Variants in AATK observed in about 807,000 individuals in gnomAD.
AATK encodes serine/threonine-protein kinase LMTK1.
AATK carries 91 observed loss-of-function variants against 114.3 expected under a neutral mutation model. The ratio of observed to expected loss-of-function variants is 0.80; its 90% CI spans 0.67 to 0.95. AATK has a LOEUF of 0.95. Among genes scored for constraint, AATK ranks in the 40% least tolerant of loss-of-function variants. The pLI, the probability that AATK is intolerant of heterozygous loss-of-function variation, is 0.00. For missense variants in AATK, 2,176 were observed against 1,965.2 expected (o/e 1.11, Z -2.03); for synonymous variants, 1,075 against 916.5 (o/e 1.17, Z -3.12).
rs1291801602 is a variant in AATK at position 81,119,955 on chromosome 17, A to G, written c.3864T>C (p.Asn1288=). The stretch of plus-strand genomic sequence containing the variant: ...GCTCACCCTCTTCCGCTGTGGAGCC[A>G]TTTGGGGAGCCATCAGCCTGCTGCG... The part of the protein sequence containing the change: ...NRPQQADGSP[N]GSTAEEGGGF... Residue 1288 remains asparagine (N), a synonymous_variant, in exon 12 of 14, where the codon AAT becomes AAC. Coordinates refer to ENST00000326724, the MANE Select transcript of AATK (RefSeq NM_001080395.3). The G allele has an allele frequency of 1.4e-6, 2 of 1,447,634 alleles. No homozygotes were observed. The highest frequency in any genetic ancestry group is 1.4e-5 in the South Asian group (1 of 69,062). The allele number at this position is 1,447,634 out of a possible 1,614,324, so 89.7% of individuals were successfully genotyped here.
intron 2 of AATK, chr17:81,133,468 G>A: frequency 3.5e-6 from 1 of 284,162 alleles, no homozygotes; most frequent in Non-Finnish European, 7.1e-6. Flanking sequence ...GCGCGCTGCA[G>A]AATGCCTCCT....
chr17:81,142,468 C>T (rs1373652999), intron 1 of AATK, among the ~76,000 whole-genome samples: 1 of 152,076 alleles, frequency 6.6e-6, no homozygotes, highest in Non-Finnish European at 1.5e-5. Flanking sequence ...AGACAGGTCT[C>T]ACTATGTTGT....
rs1044087921 is a variant in AATK, at chr17:81,121,561, G to C, written c.2375C>G (p.Pro792Arg). 5 of 1,520,766 alleles carry C rather than the reference G, an allele frequency of 3.3e-6. No homozygotes were observed. In the African/African-American group the frequency reaches 4.2e-5, roughly 13 times the overall value. 94.2% of individuals were successfully genotyped at this position (1,520,766 alleles called of 1,614,324 possible). A position where few individuals can be genotyped will look rare whatever the true frequency, so the allele number is the denominator to read the frequency against. The change falls in exon 11 of 14, where the codon CCC becomes CGC. Residue 792 changes from proline (P) to arginine (R), a missense_variant. Transcript: ENST00000326724. Reference sequence around the variant, plus strand: ...GGGGACGGAAGGAAGGGGCAGGCGGGGTCCGGTAGTGCCCTCAGCCTCCGT... The same window carrying C: ...GGGGACGGAAGGAAGGGGCAGGCGGCGTCCGGTAGTGCCCTCAGCCTCCGT... ...LATEAEGTTG[P>R]RLPLPSVPSP...
intron 12 of AATK, 81 bp from the exon 13 acceptor site, chr17:81,119,661 GCCCCGCCTCC>G: frequency 1.6e-6 from 1 of 620,648 alleles, no homozygotes. Flanking sequence ...ACGGGCCCAG[GCCCCGCCTCC>G]CATCATGTCA....
chr17:81,121,896 G>A lies in AATK; in HGVS notation c.2040C>T (p.Ser680=), dbSNP rs1357512839. 1 of 1,600,712 alleles carries A rather than the reference G, an allele frequency of 6.2e-7. No homozygotes were observed. The highest frequency in any genetic ancestry group is 8.5e-7 in the Non-Finnish European group (1 of 1,179,142). Residue 680 remains serine, a synonymous_variant, in exon 11 of 14, where the codon TCC becomes TCT. Coordinates refer to ENST00000326724, the MANE Select transcript of AATK (RefSeq NM_001080395.3). The part of the protein sequence containing the change: ...RRAAQRGHWR[S]NVSANNNSGS... Reference sequence around the variant, plus strand: ...CGCTGTTGTTGTTGGCTGACACGTTGGAGCGCCAGTGCCCGCGCTGGGCGG... The same window carrying A: ...CGCTGTTGTTGTTGGCTGACACGTTAGAGCGCCAGTGCCCGCGCTGGGCGG...
intron 1 of AATK, among the ~76,000 whole-genome samples, chr17:81,142,558 A>G (rs957450067): frequency 6.6e-6 from 1 of 152,168 alleles, no homozygotes; most frequent in Non-Finnish European, 1.5e-5. Context: ...CTATTTGGCC[A>G]TTGTCCAGCT....
At chr17:81,160,745 C>T (rs989989230) in intron 1 of AATK, among the ~76,000 whole-genome samples, 1 of 152,258 alleles carries the variant, frequency 6.6e-6, no homozygotes, top group African/African-American at 2.4e-5. Flanking sequence ...TCCCGTCAGC[C>T]TTGCCCTGGC....
At chr17:81,133,978 G>A (rs551268257) in intron 2 of AATK, among the ~76,000 whole-genome samples, 90 of 152,302 alleles carry the variant, frequency 5.9e-4, no homozygotes, top group Admixed American at 4.9e-3. Context: ...GGACGTGAGA[G>A]CCCCTTGCAG....
chr17:81,131,113 G>A lies in AATK; in HGVS notation c.282C>T (p.Val94=), dbSNP rs998779361. The A allele has an allele frequency of 4.5e-6, 7 of 1,560,734 alleles. No individual in the cohort carries two copies. Among genetic ancestry groups the A allele is most frequent in the African/African-American group, 1.4e-5 (1 of 73,548 alleles). The change falls in exon 3 of 14, where the codon GTC becomes GTT. Residue 94 remains valine (V), a synonymous_variant. Transcript: ENST00000326724. ...GCAAGGAGACCTCCGTGAGTGGCAG[G>A]ACGTACACGTCGGGCCCGTTCTGTG... ...TAAQNGPDVY[V]LPLTEVSLPM... is the part of the protein sequence containing the mutation.
At position 81,122,327 on chromosome 17, in the gene AATK, C is replaced by T. The variant is rs1445605232; in HGVS notation, c.1609G>A (p.Ala537Thr). 3 of 1,510,916 alleles carry T rather than the reference C, an allele frequency of 2.0e-6. No individual in the cohort carries two copies. Among genetic ancestry groups the T allele is most frequent in the Non-Finnish European group, 2.6e-6 (3 of 1,134,494 alleles). The allele number at this position is 1,510,916 out of a possible 1,614,324, so 93.6% of individuals were successfully genotyped here. Residue 537 changes from alanine (A) to threonine (T), a missense_variant, in exon 11 of 14, where the codon GCC (alanine) becomes ACC (threonine). Coordinates refer to ENST00000326724, the MANE Select transcript of AATK (RefSeq NM_001080395.3). ...GSEYFIRLEE[A>T]APAAGHDPDC... ...GGGTCGTGGCCGGCGGCGGGTGCGG[C>T]CTCCTCTAGGCGGATGAAGTACTCG...
chr17:81,121,180 A>G lies in AATK; in HGVS notation c.2756T>C (p.Val919Ala). ...GGGGCCAGTGGCCGACGGGCTGAAG[A>G]CCTCATAGCCACCATCACTGGCTGA... ...PSSASDGGYE[V>A]FSPSATGPSG... is the part of the protein sequence containing the mutation. Residue 919 changes from valine (V) to alanine (A), a missense_variant, in exon 11 of 14, where the codon GTC (valine) becomes GCC (alanine). By Grantham distance (64) the Val-to-Ala change is moderately conservative. Around this residue, in one of 4 missense-constraint regions of AATK, gnomAD observed 1,701 missense variants for 1,394.7 expected, o/e 1.22. Transcript: ENST00000326724. The G allele has an allele frequency of 6.2e-7, 1 of 1,602,420 alleles. No individual in the cohort carries two copies. The highest frequency in any genetic ancestry group is 1.7e-4 in the Middle Eastern group (1 of 6,052).
Position 81,121,480 on chromosome 17 carries a change from G to A in AATK, c.2456C>T (p.Ala819Val), listed in dbSNP as rs571109880. Residue 819 changes from alanine (A) to valine (V), a missense_variant, in exon 11 of 14, where the codon GCC becomes GTC. Transcript: ENST00000326724. Reference sequence around the variant, plus strand: ...GGGAGAGTCAGGCAGGGCATCAGGGGCGTCGGGGGCACTGGCCTCCTCCGA... The same window carrying A: ...GGGAGAGTCAGGCAGGGCATCAGGGACGTCGGGGGCACTGGCCTCCTCCGA... ...LPSEEASAPD[A>V]PDALPDSPTP... 1.3e-6 allele frequency: 2 copies of A among 1,569,610 alleles called. No individual in the cohort carries two copies. The highest frequency in any genetic ancestry group is 1.3e-5 in the African/African-American group (1 of 74,292).
chr17:81,134,927 C>A (rs976645846), intron 1 of AATK, among the ~76,000 whole-genome samples: 3 of 152,222 alleles, frequency 2.0e-5, no homozygotes, highest in African/African-American at 7.2e-5. Context: ...TGGCTGCTAT[C>A]TGCTGGCCAC....
intron 3 of AATK, among the ~76,000 whole-genome samples, chr17:81,130,504 C>T (rs1414878935): frequency 1.3e-5 from 2 of 152,114 alleles, no homozygotes; most frequent in Admixed American, 6.5e-5. Context: ...CCCCACCCCT[C>T]GGCCCCTCCT....
intron 13 of AATK, 146 bp from the exon 14 acceptor site, chr17:81,118,588 TG>T (rs1183900885): frequency 1.9e-5 from 15 of 795,446 alleles, no homozygotes; most frequent in Non-Finnish European, 2.9e-5. Flanking sequence ...AGGTGAGAGA[TG>T]GACCCATTTC....
chr17:81,124,904 A>AGG, intron 8 of AATK, 26 bp downstream of exon 8: 16 of 1,137,256 alleles, frequency 1.4e-5, no homozygotes, highest in Middle Eastern at 2.0e-4. Flanking sequence ...CCTCATGCCC[A>AGG]GCCCAGCCCA....
chr17:81,144,390 G>C (rs2061186024), intron 1 of AATK, among the ~76,000 whole-genome samples: 1 of 152,208 alleles, frequency 6.6e-6, no homozygotes, highest in South Asian at 2.1e-4. Flanking sequence ...CCTGGGGCAA[G>C]GTAGCCAGGA....
chr17:81,137,925 C>CACAT (rs763127094), intron 1 of AATK, among the ~76,000 whole-genome samples: 2 of 150,900 alleles, frequency 1.3e-5, no homozygotes, highest in Non-Finnish European at 3.0e-5. Flanking sequence ...CACGTGCACA[C>CACAT]AGCCACACGC....
intron 1 of AATK, among the ~76,000 whole-genome samples, chr17:81,157,728 GA>G (rs1227228527): frequency 5.3e-5 from 8 of 152,316 alleles, no homozygotes; most frequent in African/African-American, 1.4e-4. Flanking sequence ...CCAAGGGTGG[GA>G]AGGGCACCTG....
Sources: gnomAD v4.1 joint callset for allele counts (sites outside exome capture counted in the v4.1 genomes callset) on GRCh38, gnomAD v4.1.1 for gene constraint, gnomAD v4.1.1 regional missense constraint, MANE v1.5 for transcripts, NCBI Gene and HGNC (gene_info 2026-07-23, HGNC 2026-07-21) for gene names.